Variants in SAMD3 observed in about 807,000 individuals in gnomAD.
SAMD3 encodes sterile alpha motif domain containing 3, also known as sterile alpha motif domain-containing protein 3.
In SAMD3, 63 loss-of-function variants were observed where a neutral mutation model predicts 58.5. The ratio of observed to expected loss-of-function variants is 1.08; its 90% CI spans 0.88 to 1.33. The LOEUF is 1.33. Ranked by LOEUF, SAMD3 falls within the 40% of genes most tolerant of loss-of-function variation. SAMD3 has a pLI of 0.00. For missense variants in SAMD3, 604 were observed against 608.4 expected (o/e 0.99, Z 0.08); for synonymous variants, 220 against 210.3 (o/e 1.05, Z -0.40).
At chr6:130,353,471 T>C (rs1202188939) in intron 1 of SAMD3, among the ~76,000 whole-genome samples, 3 of 152,216 alleles carry the variant, frequency 2.0e-5, no homozygotes, top group Middle Eastern at 3.2e-3. Context: ...AAATTCTAAT[T>C]TCTATCACTG....
At chr6:130,349,548 TA>T (rs1412859866) in intron 1 of SAMD3, among the ~76,000 whole-genome samples, 1 of 152,102 alleles carries the variant, frequency 6.6e-6, no homozygotes, top group Non-Finnish European at 1.5e-5. Context: ...AATAGACCAA[TA>T]ACAGGCTCTG....
At chr6:130,289,499 AT>A (rs1465706953) in intron 2 of SAMD3, among the ~76,000 whole-genome samples, 2 of 131,714 alleles carry the variant, frequency 1.5e-5, no homozygotes, top group African/African-American at 5.4e-5. Context: ...AGAAAAAAAA[AT>A]ATATATAGAG....
upstream of SAMD3, among the ~76,000 whole-genome samples, chr6:130,223,148 G>T (rs150953007): frequency 1.1e-4 from 17 of 152,084 alleles, no homozygotes; most frequent in African/African-American, 3.9e-4. Flanking sequence ...GCTCCTAGAA[G>T]AAATAACACT....
chr6:130,351,219 A>T (rs201294373), intron 1 of SAMD3, among the ~76,000 whole-genome samples: 3 of 152,070 alleles, frequency 2.0e-5, no homozygotes, highest in African/African-American at 7.2e-5. Context: ...AGCCAAAATT[A>T]ACAAATGGGA....
intron 2 of SAMD3, among the ~76,000 whole-genome samples, chr6:130,289,880 A>G (rs1378237607): frequency 1.3e-5 from 2 of 152,198 alleles, no homozygotes; most frequent in Non-Finnish European, 1.5e-5. Context: ...AATATATAAC[A>G]TATTTGCTGT....
chr6:130,150,648 G>A lies in SAMD3; in HGVS notation c.1023+4177C>T, dbSNP rs1302392078. Among the ~76,000 whole-genome samples, 4 of 151,288 alleles carry A rather than the reference G, an allele frequency of 2.6e-5. No homozygotes were observed. The South Asian group carries it at 8.3e-4, about 31-fold the overall frequency. On this transcript the variant is annotated intron_variant, in intron 9 of 11. Coordinates refer to ENST00000439090, the MANE Select transcript of SAMD3 (RefSeq NM_001017373.4). Reference sequence around the variant, plus strand: ...GCATGGTTCTCACTCATGAGGCATTGTTTTCTGGAGTCTCAGATGAATGCT... The same window carrying A: ...GCATGGTTCTCACTCATGAGGCATTATTTTCTGGAGTCTCAGATGAATGCT...
chr6:130,270,478 G>T (rs750505563), intron 2 of SAMD3, among the ~76,000 whole-genome samples: 20 of 152,282 alleles, frequency 1.3e-4, no homozygotes, highest in Non-Finnish European at 2.6e-4. Flanking sequence ...GACGTCATTG[G>T]CCTGAAGCAA....
intron 2 of SAMD3, among the ~76,000 whole-genome samples, chr6:130,253,906 TC>T (rs1301334880): frequency 6.6e-6 from 1 of 152,108 alleles, no homozygotes; most frequent in African/African-American, 2.4e-5. Flanking sequence ...TTAAATTCTC[TC>T]CTGTTACTGT....
rs566563020 is a variant in SAMD3, at chr6:130,271,841, G to A, written c.-188+41137C>T. On this transcript the variant is annotated intron_variant, in intron 2 of 13. Transcript: ENST00000368134. ...ATCTTACATGGTGGCAGGCAAGAGC[G>A]TGTGCAGGGGAACTCTCATTTATAA... Among the ~76,000 whole-genome samples, 258 of 152,296 alleles carry A rather than the reference G, an allele frequency of 1.7e-3. 2 individuals are homozygous for A. The highest frequency in any genetic ancestry group is 8.5e-4 in the Non-Finnish European group (58 of 68,018).
intron 1 of SAMD3, among the ~76,000 whole-genome samples, chr6:130,348,715 G>A (rs536689735): frequency 2.0e-4 from 31 of 152,284 alleles, no homozygotes; most frequent in African/African-American, 6.7e-4. Flanking sequence ...ACTCAGCTCT[G>A]CAGCAAGCGG....
chr6:130,345,284 A>G (rs1215180890), intron 1 of SAMD3, among the ~76,000 whole-genome samples: 1 of 152,148 alleles, frequency 6.6e-6, no homozygotes, highest in Non-Finnish European at 1.5e-5. Flanking sequence ...TTAGAAAAAG[A>G]AGCCTAGGAA....
intron 8 of SAMD3, among the ~76,000 whole-genome samples, chr6:130,156,519 T>A (rs967909451): frequency 5.3e-5 from 8 of 152,078 alleles, no homozygotes; most frequent in Non-Finnish European, 1.0e-4. Context: ...TCAAGGGTAG[T>A]TTGACATTGG....
intron 1 of SAMD3, among the ~76,000 whole-genome samples, chr6:130,353,976 G>GA (rs1405978914): frequency 1.3e-5 from 2 of 151,870 alleles, no homozygotes; most frequent in Non-Finnish European, 2.9e-5. Context: ...AACTTTGCAA[G>GA]AAAAAAACAA....
chr6:130,359,803 T>C (rs1777933525), intron 1 of SAMD3, among the ~76,000 whole-genome samples: 1 of 152,240 alleles, frequency 6.6e-6, no homozygotes, highest in African/African-American at 2.4e-5. Flanking sequence ...ACAAGGCTGT[T>C]TCCTTAGGTG....
At chr6:130,309,978 G>C (rs1437167889) in intron 2 of SAMD3, among the ~76,000 whole-genome samples, 1 of 152,122 alleles carries the variant, frequency 6.6e-6, no homozygotes, top group Non-Finnish European at 1.5e-5. Flanking sequence ...AAAATTACAG[G>C]TAATTCTGTT....
chr6:130,292,548 A>G (rs961899524), intron 2 of SAMD3, among the ~76,000 whole-genome samples: 4 of 151,866 alleles, frequency 2.6e-5, no homozygotes, highest in African/African-American at 9.7e-5. Context: ...TGGCCTCTCA[A>G]AGTGCTGGGA....
chr6:130,341,158 A>AGAGGGAGG (rs10636816), intron 1 of SAMD3, among the ~76,000 whole-genome samples: 2 of 150,472 alleles, frequency 1.3e-5, no homozygotes, highest in African/African-American at 4.9e-5. Flanking sequence ...AGGGAGGAAG[A>AGAGGGAGG]GAGGGAGGGA....
At chr6:130,309,542 A>T (rs963329862) in intron 2 of SAMD3, among the ~76,000 whole-genome samples, 5 of 152,216 alleles carry the variant, frequency 3.3e-5, no homozygotes, top group Admixed American at 3.3e-4. Flanking sequence ...GCAACTACAG[A>T]GTAAAAAAAT....
chr6:130,310,670 C>T (rs1463032211), intron 2 of SAMD3, among the ~76,000 whole-genome samples: 3 of 152,186 alleles, frequency 2.0e-5, no homozygotes, highest in East Asian at 1.9e-4. Context: ...TTACAGTAAA[C>T]GTGCTCTCTG....
Sources: gnomAD v4.1 joint callset for allele counts (sites outside exome capture counted in the v4.1 genomes callset) on GRCh38, gnomAD v4.1.1 for gene constraint, MANE v1.5 for transcripts, NCBI Gene and HGNC (gene_info 2026-07-23, HGNC 2026-07-21) for gene names.